Variants in MYO3B observed in about 807,000 individuals in gnomAD.
MYO3B encodes the protein myosin-IIIb.
MYO3B carries 156 observed loss-of-function variants against 174.6 expected under a neutral mutation model. That is an observed-to-expected ratio of 0.89 (90% CI 0.78 to 1.02). MYO3B has a LOEUF of 1.02. MYO3B is among the 50% of genes least tolerant of loss of function. The probability of loss-of-function intolerance (pLI) is 0.00; values close to 1 mark genes in which losing one functional copy is unlikely to be tolerated. For missense variants in MYO3B, 1,632 were observed against 1,639.4 expected, an observed-to-expected ratio of 1.00 and a Z score of 0.08; for synonymous variants, 563 against 569.1, an observed-to-expected ratio of 0.99 and a Z score of 0.15.
intron 1 of MYO3B, among the ~76,000 whole-genome samples, chr2:170,184,107 C>T (rs1294585919): frequency 1.3e-5 from 2 of 151,818 alleles, no homozygotes; most frequent in Admixed American, 1.3e-4. Flanking sequence ...TTCTGGGGTA[C>T]ATGAGATTTT....
intron 22 of MYO3B, 85 bp from the exon 23 acceptor site, chr2:170,443,882 T>C: frequency 8.7e-7 from 1 of 1,144,358 alleles, no homozygotes; most frequent in East Asian, 2.5e-5. Flanking sequence ...TTCAGAAAAA[T>C]ACAAGGACCC....
intron 3 of MYO3B, among the ~76,000 whole-genome samples, chr2:170,210,511 T>G (rs962370313): frequency 5.3e-5 from 8 of 152,226 alleles, no homozygotes; most frequent in African/African-American, 1.9e-4. Flanking sequence ...GTAAGTTGTT[T>G]TAATTATGTG....
intron 7 of MYO3B, among the ~76,000 whole-genome samples, chr2:170,292,264 T>C (rs1309540239): frequency 6.6e-6 from 1 of 152,236 alleles, no homozygotes; most frequent in Non-Finnish European, 1.5e-5. Flanking sequence ...AGGTTTCTAT[T>C]TGATTTCTAA....
chr2:170,387,916 T>C (rs1259231714), intron 14 of MYO3B, among the ~76,000 whole-genome samples: 1 of 152,244 alleles, frequency 6.6e-6, no homozygotes, highest in South Asian at 2.1e-4. Context: ...CTTAAAAGAA[T>C]GCCTAGTGTG....
At chr2:170,390,904 T>G (rs781720374) in intron 14 of MYO3B, among the ~76,000 whole-genome samples, 1 of 152,178 alleles carries the variant, frequency 6.6e-6, no homozygotes, top group Non-Finnish European at 1.5e-5. Flanking sequence ...TACTTACCAG[T>G]TCCTTCTCTT....
intron 6 of MYO3B, among the ~76,000 whole-genome samples, chr2:170,231,135 C>G (rs1035626): frequency 0.67 from 102,521 of 152,174 alleles, 35,061 homozygotes; most frequent in African/African-American, 0.78. Flanking sequence ...AGCAGTTGTG[C>G]ATGTGGTTTC....
chr2:170,342,004 AAT>A (rs1174787111), intron 8 of MYO3B: 1 of 152,230 alleles, frequency 6.6e-6, no homozygotes, highest in Non-Finnish European at 1.5e-5. Context: ...ATATACTAGG[AAT>A]ATATCCTGTC....
At chr2:170,380,611 C>G (rs10497367) in intron 9 of MYO3B, among the ~76,000 whole-genome samples, 15,491 of 152,146 alleles carry the variant, frequency 0.1, 1,337 homozygotes, top group East Asian at 0.49. Context: ...CTACTTTGAC[C>G]TTGAATTAAT....
At chr2:170,418,836 T>C (rs1320966675) in intron 22 of MYO3B, among the ~76,000 whole-genome samples, 1 of 151,934 alleles carries the variant, frequency 6.6e-6, no homozygotes, top group Non-Finnish European at 1.5e-5. Flanking sequence ...ATGCTTACAA[T>C]CTCATCCCCT....
chr2:170,322,653 C>T (rs961154577), intron 7 of MYO3B, among the ~76,000 whole-genome samples: 7 of 152,140 alleles, frequency 4.6e-5, no homozygotes, highest in Admixed American at 4.6e-4. Flanking sequence ...GCCTTTGTAG[C>T]GCTCACTGTT....
At chr2:170,466,756 T>G in intron 25 of MYO3B, 45 bp downstream of exon 25, 3 of 1,586,172 alleles carry the variant, frequency 1.9e-6, no homozygotes, top group Non-Finnish European at 2.6e-6. Context: ...AATGTAGCTC[T>G]ACTCTGGCCA....
chr2:170,412,587 A>C (rs974138537), intron 22 of MYO3B, among the ~76,000 whole-genome samples: 1 of 152,160 alleles, frequency 6.6e-6, no homozygotes, highest in Admixed American at 6.5e-5. Flanking sequence ...CTACATTGTC[A>C]TATCTGTAAA....
At chr2:170,553,154 C>T (rs145111901) in intron 32 of MYO3B, among the ~76,000 whole-genome samples, 130 of 152,240 alleles carry the variant, frequency 8.5e-4, no homozygotes, top group African/African-American at 3.1e-3. Flanking sequence ...GGTTGGAGCC[C>T]CCACACAGAG....
intron 1 of MYO3B, among the ~76,000 whole-genome samples, chr2:170,179,959 A>G (rs2105295172): frequency 6.6e-6 from 1 of 152,336 alleles, no homozygotes. Flanking sequence ...TCTATTCTCT[A>G]GATTTGAAAG....
intron 25 of MYO3B, among the ~76,000 whole-genome samples, chr2:170,493,178 T>A (rs992696145): frequency 1.3e-5 from 2 of 152,208 alleles, no homozygotes; most frequent in African/African-American, 4.8e-5. Context: ...ATGGAAAACC[T>A]ATTATATCTA....
chr2:170,438,739 C>T (rs954307416), intron 22 of MYO3B, among the ~76,000 whole-genome samples: 4 of 151,900 alleles, frequency 2.6e-5, no homozygotes, highest in Admixed American at 1.3e-4. Flanking sequence ...AGTTCAAATG[C>T]TTCTCCTGCC....
chr2:170,459,550 C>G (rs1346217161), intron 23 of MYO3B, among the ~76,000 whole-genome samples: 5 of 152,214 alleles, frequency 3.3e-5, no homozygotes, highest in African/African-American at 9.6e-5. Context: ...TCCCCACCCC[C>G]ACCCAGGAGC....
intron 8 of MYO3B, 42 bp from the exon 9 acceptor site, chr2:170,369,180 C>G (rs1287565897): frequency 6.3e-7 from 1 of 1,592,892 alleles, no homozygotes; most frequent in East Asian, 2.2e-5. Context: ...AACAGGGTGT[C>G]TAAGATTGTA....
At chr2:170,409,071 GA>G (rs886686498) in intron 22 of MYO3B, among the ~76,000 whole-genome samples, 11 of 152,290 alleles carry the variant, frequency 7.2e-5, no homozygotes, top group African/African-American at 2.6e-4. Flanking sequence ...ATTGATAGGG[GA>G]CATGCTCTCT....
Sources: gnomAD v4.1 joint callset for allele counts (sites outside exome capture counted in the v4.1 genomes callset) on GRCh38, gnomAD v4.1.1 for gene constraint, MANE v1.5 for transcripts, NCBI Gene and HGNC (gene_info 2026-07-23, HGNC 2026-07-21) for gene names.